Variants in ZNF609 observed in about 807,000 individuals in gnomAD.
ZNF609 encodes zinc finger protein 609.
Under a neutral mutation model 109.5 loss-of-function variants are expected in ZNF609, and 11 were observed. The observed-to-expected ratio is 0.10, with a 90% CI of 0.06 to 0.17. The LOEUF (loss-of-function observed/expected upper bound fraction) is 0.17. Ranked by LOEUF, ZNF609 falls within the 10% of genes least tolerant of loss-of-function variation. The pLI is 1.00. For missense variants in ZNF609, 1,559 were observed against 1,772.4 expected (o/e 0.88, Z 2.16); for synonymous variants, 646 against 662.0 (o/e 0.98, Z 0.37).
At chr15:64,669,698 C>T (rs1228992630) in intron 3 of ZNF609, among the ~76,000 whole-genome samples, 1 of 151,910 alleles carries the variant, frequency 6.6e-6, no homozygotes, top group Non-Finnish European at 1.5e-5. Context: ...GACGGAGTCT[C>T]ACTCTGTCAC....
intron 2 of ZNF609, among the ~76,000 whole-genome samples, chr15:64,614,253 C>T (rs1337090314): frequency 2.2e-5 from 3 of 138,998 alleles, no homozygotes; most frequent in Non-Finnish European, 3.1e-5. Flanking sequence ...TTTTTTGAGA[C>T]GGAGTCTTGC....
intron 2 of ZNF609, among the ~76,000 whole-genome samples, chr15:64,525,226 A>G (rs1233870376): frequency 6.6e-6 from 1 of 152,100 alleles, no homozygotes; most frequent in Non-Finnish European, 1.5e-5. Context: ...ACATTTAGGT[A>G]TTTGATCCAT....
At chr15:64,659,681 A>G (rs1006489953) in intron 3 of ZNF609, among the ~76,000 whole-genome samples, 1 of 152,182 alleles carries the variant, frequency 6.6e-6, no homozygotes, top group Non-Finnish European at 1.5e-5. Context: ...TTACCACACC[A>G]CAGAATAATT....
intron 3 of ZNF609, among the ~76,000 whole-genome samples, chr15:64,629,648 C>T (rs1361226392): frequency 2.0e-5 from 3 of 152,166 alleles, no homozygotes; most frequent in Non-Finnish European, 4.4e-5. Flanking sequence ...CATAAGACTT[C>T]TGCTTACATC....
intron 2 of ZNF609, among the ~76,000 whole-genome samples, chr15:64,540,763 C>G (rs143371087): frequency 1.3e-5 from 2 of 151,558 alleles, no homozygotes; most frequent in South Asian, 2.1e-4. Context: ...GGCGCGGTGG[C>G]TCACGCCTGT....
chr15:64,670,470 A>C, intron 4 of ZNF609, 37 bp downstream of exon 4: 1 of 1,544,268 alleles, frequency 6.5e-7, no homozygotes, highest in Non-Finnish European at 9.0e-7. Context: ...TATTATTCTG[A>C]ACCACACTAA....
Position 64,678,097 on chromosome 15 carries a change from T to C in ZNF609, c.3403-19T>C, listed in dbSNP as rs763751109. The C allele has an allele frequency of 1.9e-6, 3 of 1,587,674 alleles. No individual in the cohort carries two copies. Among genetic ancestry groups the C allele is most frequent in the Admixed American group, 1.7e-5 (1 of 59,218 alleles). Reference sequence around the variant, plus strand: ...TCTTATCTGTACAACACCCAGTCGTTGTTCTGTGATTGTTGTAGGAGGCAG... The same window carrying C: ...TCTTATCTGTACAACACCCAGTCGTCGTTCTGTGATTGTTGTAGGAGGCAG... On this transcript the variant is annotated intron_variant, in intron 5 of 9. Transcript: ENST00000326648.
chr15:64,627,432 A>C (rs1895982377), intron 3 of ZNF609, among the ~76,000 whole-genome samples: 1 of 152,128 alleles, frequency 6.6e-6, no homozygotes, highest in African/African-American at 2.4e-5. Flanking sequence ...CACTAACCCA[A>C]AGGCCAATAC....
chr15:64,462,904 A>G (rs1892963101), intron 1 of ZNF609, among the ~76,000 whole-genome samples: 2 of 152,200 alleles, frequency 1.3e-5, no homozygotes, highest in Non-Finnish European at 2.9e-5. Flanking sequence ...AAGGAATCCT[A>G]TTGTACATAT....
At chr15:64,671,082 C>G (rs1385687737) in intron 4 of ZNF609, among the ~76,000 whole-genome samples, 3 of 149,528 alleles carry the variant, frequency 2.0e-5, no homozygotes, top group Admixed American at 2.0e-4. Flanking sequence ...TGGTGGCGAG[C>G]GTTTGTAGTC....
chr15:64,545,323 C>T (rs932251563), intron 2 of ZNF609, among the ~76,000 whole-genome samples: 6 of 152,030 alleles, frequency 3.9e-5, no homozygotes, highest in Non-Finnish European at 7.4e-5. Flanking sequence ...CTCACCCTCC[C>T]GAGTAGCTGG....
At chr15:64,600,449 C>CAAA (rs60948226) in intron 2 of ZNF609, among the ~76,000 whole-genome samples, 4 of 53,814 alleles carry the variant, frequency 7.4e-5, no homozygotes, top group African/African-American at 2.6e-4. Context: ...GGCTGTGTCT[C>CAAA]AAAAAAAAAA....
chr15:64,489,340 C>T (rs1789605684), intron 1 of ZNF609, among the ~76,000 whole-genome samples: 2 of 150,678 alleles, frequency 1.3e-5, no homozygotes, highest in South Asian at 4.2e-4. Flanking sequence ...CACCTGCCAC[C>T]GCGCCCGGCT....
chr15:64,468,080 G>A (rs1047943844), intron 1 of ZNF609, among the ~76,000 whole-genome samples: 6 of 149,728 alleles, frequency 4.0e-5, no homozygotes, highest in South Asian at 2.1e-4. Flanking sequence ...ACACAATCAC[G>A]ATCACAGCTC....
intron 1 of ZNF609, among the ~76,000 whole-genome samples, chr15:64,477,836 C>A (rs1893195050): frequency 6.6e-6 from 1 of 152,062 alleles, no homozygotes; most frequent in Admixed American, 6.6e-5. Context: ...ACCATGTTGG[C>A]CAGGCTGGTC....
At chr15:64,469,963 T>C (rs1167704080) in intron 1 of ZNF609, among the ~76,000 whole-genome samples, 1 of 152,222 alleles carries the variant, frequency 6.6e-6, no homozygotes, top group Non-Finnish European at 1.5e-5. Flanking sequence ...ATCTGGGAGC[T>C]AAATTGGACT....
intron 3 of ZNF609, among the ~76,000 whole-genome samples, chr15:64,654,941 A>G (rs1337867737): frequency 6.6e-6 from 1 of 151,978 alleles, no homozygotes; most frequent in Non-Finnish European, 1.5e-5. Flanking sequence ...CTAAAAATAC[A>G]AACAATTAGC....
intron 2 of ZNF609, among the ~76,000 whole-genome samples, chr15:64,541,192 C>G (rs1189904468): frequency 6.6e-6 from 1 of 151,776 alleles, no homozygotes; most frequent in East Asian, 2.0e-4. Flanking sequence ...CTTTGGGAGG[C>G]TGAGGCCGGC....
Position 64,674,969 on chromosome 15 carries a change from G to A in ZNF609, c.2115G>A (p.Gln705=). The A allele has an allele frequency of 6.2e-7, 1 of 1,614,010 alleles. No individual in the cohort carries two copies. Among genetic ancestry groups the A allele is most frequent in the Non-Finnish European group, 8.5e-7 (1 of 1,180,022 alleles). Reference sequence around the variant, plus strand: ...ACAGTCCCCAACTCAAGCCCATTCAGCCCAAGCCCACTGTTATGGGAGAAC... The same window carrying A: ...ACAGTCCCCAACTCAAGCCCATTCAACCCAAGCCCACTGTTATGGGAGAAC... The part of the protein sequence containing the change: ...MPNSPQLKPI[Q]PKPTVMGEPF... Residue 705 remains glutamine (Q), a synonymous_variant, in exon 5 of 10, where the codon CAG becomes CAA. Coordinates refer to ENST00000326648, the MANE Select transcript of ZNF609 (RefSeq NM_015042.2).
Sources: gnomAD v4.1 joint callset for allele counts (sites outside exome capture counted in the v4.1 genomes callset) on GRCh38, gnomAD v4.1.1 for gene constraint, MANE v1.5 for transcripts, NCBI Gene and HGNC (gene_info 2026-07-23, HGNC 2026-07-21) for gene names.